The following CHCHD3 variants were observed in gnomAD, a reference collection of about 807,000 sequenced individuals.
CHCHD3 encodes MICOS complex subunit MIC19.
Under a neutral mutation model 38.2 loss-of-function variants are expected in CHCHD3, and 20 were observed. The observed-to-expected ratio is 0.52, with a 90% CI of 0.37 to 0.76. The LOEUF (loss-of-function observed/expected upper bound fraction) is 0.76. Ranked by LOEUF, CHCHD3 falls within the 30% of genes least tolerant of loss-of-function variation. The probability of loss-of-function intolerance (pLI) is 0.00; values close to 1 mark genes in which losing one functional copy is unlikely to be tolerated. For synonymous variants in CHCHD3, 82 were observed against 100.0 expected, an observed-to-expected ratio of 0.82 and a Z score of 1.07; for missense variants, 245 against 279.2, an observed-to-expected ratio of 0.88 and a Z score of 0.87.
intron 5 of CHCHD3, among the ~76,000 whole-genome samples, chr7:132,882,000 A>G (rs1443803005): frequency 6.6e-6 from 1 of 152,224 alleles, no homozygotes; most frequent in Non-Finnish European, 1.5e-5. Context: ...ACAGGACTGT[A>G]CAGAAATGTG....
chr7:132,863,879 T>A (rs1808551143), intron 5 of CHCHD3, among the ~76,000 whole-genome samples: 1 of 152,238 alleles, frequency 6.6e-6, no homozygotes, highest in Non-Finnish European at 1.5e-5. Context: ...TCTTTCAGCC[T>A]TCGTAGAACT....
intron 5 of CHCHD3, among the ~76,000 whole-genome samples, 179 bp downstream of exon 5, chr7:132,885,483 G>A (rs1809181368): frequency 6.6e-6 from 1 of 152,170 alleles, no homozygotes; most frequent in Admixed American, 6.5e-5. Flanking sequence ...ATTCCAAAGT[G>A]ACCAAAGAAA....
intron 6 of CHCHD3, among the ~76,000 whole-genome samples, chr7:132,810,821 C>T (rs1807051527): frequency 6.6e-6 from 1 of 152,124 alleles, no homozygotes; most frequent in Admixed American, 6.5e-5. Context: ...AGAATGGCTG[C>T]CTTATGACAG....
Position 133,043,839 on chromosome 7 carries a change from T to C in CHCHD3, c.170-19212A>G, listed in dbSNP as rs1181199265. Among the ~76,000 whole-genome samples the C allele has an allele frequency of 7.2e-5, 11 of 152,206 alleles. 1 individual carries two copies. Among genetic ancestry groups the C allele is most frequent in the Admixed American group, 7.2e-4 (11 of 15,272 alleles). On this transcript the variant is annotated intron_variant, in intron 2 of 7. Coordinates refer to ENST00000262570, the MANE Select transcript of CHCHD3 (RefSeq NM_017812.4). ...GAGGATAGTTTTTATTCCTAATAAA[T>C]GAAGAGCAACCTTTCTAAGATTAAG...
intron 4 of CHCHD3, among the ~76,000 whole-genome samples, chr7:132,974,474 C>T (rs995138011): frequency 6.6e-6 from 1 of 152,172 alleles, no homozygotes; most frequent in South Asian, 2.1e-4. Context: ...CTCACCTTTG[C>T]CAGAGTCTTC....
At chr7:133,050,512 C>T (rs1272803462) in intron 2 of CHCHD3, among the ~76,000 whole-genome samples, 1 of 151,994 alleles carries the variant, frequency 6.6e-6, no homozygotes, top group Non-Finnish European at 1.5e-5. Context: ...ACATGGACAA[C>T]ATGGAGGCAG....
intron 6 of CHCHD3, among the ~76,000 whole-genome samples, chr7:132,826,901 G>A (rs1281331780): frequency 1.3e-5 from 2 of 152,108 alleles, no homozygotes; most frequent in Non-Finnish European, 2.9e-5. Flanking sequence ...GAGGAGGAGA[G>A]TACAACAGGC....
chr7:132,797,310 C>T (rs1806644727), intron 6 of CHCHD3, among the ~76,000 whole-genome samples: 1 of 152,094 alleles, frequency 6.6e-6, no homozygotes, highest in Non-Finnish European at 1.5e-5. Flanking sequence ...GCCCAAACTC[C>T]CACCTATGCC....
chr7:132,811,667 T>C (rs1246071847), intron 6 of CHCHD3, among the ~76,000 whole-genome samples: 1 of 152,226 alleles, frequency 6.6e-6, no homozygotes, highest in Non-Finnish European at 1.5e-5. Flanking sequence ...AGACATCTTA[T>C]AGGACCCGAT....
chr7:132,793,753 T>C (rs1806527724), intron 7 of CHCHD3, among the ~76,000 whole-genome samples: 1 of 152,246 alleles, frequency 6.6e-6, no homozygotes, highest in Non-Finnish European at 1.5e-5. Context: ...CTGTGTCGGA[T>C]ATGGACAACA....
chr7:132,917,401 T>C (rs1476736170), intron 4 of CHCHD3, among the ~76,000 whole-genome samples: 1 of 152,174 alleles, frequency 6.6e-6, no homozygotes, highest in Non-Finnish European at 1.5e-5. Flanking sequence ...CCCTCAACCC[T>C]CTCCTCTTTT....
At chr7:132,993,651 G>A (rs1006253453) in intron 3 of CHCHD3, among the ~76,000 whole-genome samples, 11 of 152,226 alleles carry the variant, frequency 7.2e-5, no homozygotes, top group African/African-American at 2.4e-4. Context: ...CTGCTGCTGA[G>A]GCCCAGTGGT....
intron 4 of CHCHD3, among the ~76,000 whole-genome samples, chr7:132,942,976 G>A (rs1810805346): frequency 6.6e-6 from 1 of 152,068 alleles, no homozygotes. Flanking sequence ...TGCAAACAGA[G>A]AGAAAGGAAC....
At chr7:133,009,181 T>A (rs117588400) in intron 3 of CHCHD3, among the ~76,000 whole-genome samples, 1 of 151,598 alleles carries the variant, frequency 6.6e-6, no homozygotes, top group Non-Finnish European at 1.5e-5. Context: ...CTGGCCAACA[T>A]GTGACACCCC....
intron 4 of CHCHD3, among the ~76,000 whole-genome samples, chr7:132,917,581 G>A (rs1810138926): frequency 6.6e-6 from 1 of 152,134 alleles, no homozygotes; most frequent in African/African-American, 2.4e-5. Context: ...CCTAGGCTGG[G>A]TGCCAGGTGG....
At chr7:133,054,568 T>C (rs2117507234) in intron 2 of CHCHD3, among the ~76,000 whole-genome samples, 1 of 152,368 alleles carries the variant, frequency 6.6e-6, no homozygotes, top group East Asian at 1.9e-4. Flanking sequence ...TCAAAAGCTT[T>C]ATTGACACAA....
intron 4 of CHCHD3, among the ~76,000 whole-genome samples, chr7:132,923,207 C>A (rs1810301170): frequency 6.6e-6 from 1 of 152,042 alleles, no homozygotes; most frequent in South Asian, 2.1e-4. Flanking sequence ...CACCAATAGG[C>A]CCTTCTAATA....
intron 5 of CHCHD3, among the ~76,000 whole-genome samples, chr7:132,840,487 T>C (rs1807913633): frequency 6.6e-6 from 1 of 152,210 alleles, no homozygotes; most frequent in African/African-American, 2.4e-5. Context: ...AGCTGACAGA[T>C]CTGGTTTCTG....
At chr7:132,834,096 T>C (rs1807717261) in intron 6 of CHCHD3, among the ~76,000 whole-genome samples, 1 of 152,142 alleles carries the variant, frequency 6.6e-6, no homozygotes. Flanking sequence ...GTCATACAGA[T>C]AGGAGCCAGT....
Sources: gnomAD v4.1 joint callset for allele counts (sites outside exome capture counted in the v4.1 genomes callset) on GRCh38, gnomAD v4.1.1 for gene constraint, MANE v1.5 for transcripts, NCBI Gene and HGNC (gene_info 2026-07-23, HGNC 2026-07-21) for gene names.